TFDP1: variants seen among roughly 807,000 people sequenced by gnomAD.
The protein encoded by TFDP1 is DRTF1-polypeptide 1.
In TFDP1, 6 loss-of-function variants were observed where a neutral mutation model predicts 48.0. The ratio of observed to expected loss-of-function variants is 0.13; its 90% CI spans 0.07 to 0.25. The LOEUF is 0.25. Among genes scored for constraint, TFDP1 ranks in the 10% least tolerant of loss-of-function variants. The pLI is 1.00. For missense variants in TFDP1, 335 were observed against 543.0 expected (o/e 0.62, Z 3.81); for synonymous variants, 201 against 211.6 (o/e 0.95, Z 0.44).
chr13:113,622,008 G>C (rs1012388612), intron 3 of TFDP1, among the ~76,000 whole-genome samples: 62 of 152,226 alleles, frequency 4.1e-4, no homozygotes, highest in African/African-American at 1.4e-3. Context: ...CTGATATGCA[G>C]AAATAATGGC....
chr13:113,611,106 A>G (rs753358732), intron 3 of TFDP1, 44 bp downstream of exon 3: 1 of 1,525,428 alleles, frequency 6.6e-7, no homozygotes, highest in East Asian at 2.3e-5. Context: ...TGATGAATGC[A>G]TGAAGCTTCA....
rs1566671463 is a variant in TFDP1, at chr13:113,629,754, TCG to T, written c.187-1868_187-1867del. Among the ~76,000 whole-genome samples the T allele has an allele frequency of 2.9e-3, 418 of 145,978 alleles. 3 individuals carry two copies. Among genetic ancestry groups the T allele is most frequent in the African/African-American group, 0.011 (397 of 35,536 alleles). Reference sequence around the variant, plus strand: ...TATCGGGATGTTCCTTGTAAGTTCCTCGTTGTAAGTCAGTTCCTCGTTGTAAG... The same window carrying T: ...TATCGGGATGTTCCTTGTAAGTTCCTTTGTAAGTCAGTTCCTCGTTGTAAG... On this transcript the variant is annotated intron_variant, in intron 4 of 11. Coordinates refer to ENST00000375370, the MANE Select transcript of TFDP1 (RefSeq NM_007111.5).
In TFDP1 at chr13:113,637,304, G is replaced by A. The variant is rs577383430; in HGVS notation, c.1007-514G>A. Reference sequence around the variant, plus strand: ...TCTCTTGTTAGCCTAAACTTGGGGTGTAGATTTATTCCCTGAGAGGGTCAG... The same window carrying A: ...TCTCTTGTTAGCCTAAACTTGGGGTATAGATTTATTCCCTGAGAGGGTCAG... On this transcript the variant is annotated intron_variant, in intron 10 of 11. Coordinates refer to ENST00000375370, the MANE Select transcript of TFDP1 (RefSeq NM_007111.5). 3.5e-5 allele frequency: 10 copies of A among 286,428 alleles called. 1 individual carries two copies. The highest frequency in any genetic ancestry group is 2.3e-4 in the South Asian group (7 of 29,952). 17.7% of individuals were successfully genotyped at this position (286,428 alleles called of 1,614,324 possible).
At chr13:113,611,243 G>A (rs1483715172) in intron 3 of TFDP1, among the ~76,000 whole-genome samples, 181 bp downstream of exon 3, 1 of 152,226 alleles carries the variant, frequency 6.6e-6, no homozygotes, top group African/African-American at 2.4e-5. Context: ...AACACAGCCT[G>A]CACACACACC....
intron 3 of TFDP1, 110 bp downstream of exon 3, chr13:113,611,172 A>G (rs896473245): frequency 4.5e-6 from 5 of 1,111,306 alleles, no homozygotes; most frequent in East Asian, 2.4e-5. Flanking sequence ...CATCTCCTGC[A>G]TGGGCACCTT....
At chr13:113,635,845 G>A (rs1376663477) in intron 8 of TFDP1, 132 bp from the exon 9 acceptor site, 6 of 1,047,294 alleles carry the variant, frequency 5.7e-6, no homozygotes, top group South Asian at 3.2e-5. Flanking sequence ...AGCGGCCGGC[G>A]CTGGCATTTC....
rs181549760 is a variant in TFDP1, at chr13:113,621,768, G to A, written c.80-1412G>A. ...AGCCTCAGTGTCACGGAAAAACAGC[G>A]GCTACTTAGCAGACCGGGAAAGGGA... On this transcript the variant is annotated intron_variant, in intron 3 of 11. Transcript: ENST00000375370. Among the ~76,000 whole-genome samples the A allele has an allele frequency of 8.5e-5, 13 of 152,296 alleles. No homozygotes were observed. In the East Asian group the frequency reaches 1.4e-3, roughly 16 times the overall value.
At chr13:113,588,948 GAGTGAGTGATGGTAGTGTTGTGGGTGGAC>G (rs1293019623) in intron 2 of TFDP1, among the ~76,000 whole-genome samples, 5 of 151,736 alleles carry the variant, frequency 3.3e-5, no homozygotes, top group Admixed American at 3.3e-4. Flanking sequence ...TGTGGGTGGA[GAGTGAGTGATGGTAGTGTTGTGGGTGGAC>G]AGTGAGTGGT....
At chr13:113,599,730 C>A (rs1191074990) in intron 2 of TFDP1, among the ~76,000 whole-genome samples, 1 of 152,232 alleles carries the variant, frequency 6.6e-6, no homozygotes, top group Non-Finnish European at 1.5e-5. Context: ...TGGCTCTGCC[C>A]TGACCTCCCG....
intron 8 of TFDP1, among the ~76,000 whole-genome samples, chr13:113,635,764 T>C (rs2049469364): frequency 6.6e-6 from 1 of 152,132 alleles, no homozygotes. Context: ...TGCGCCCGCT[T>C]TCCCTTAGTT....
In TFDP1 at chr13:113,607,141, CCT is replaced by C. The variant is rs1314376125; in HGVS notation, c.13-3854_13-3853del. ...GAAGGCTGAAGATGCCGCCAAACACCCTGCAGGGAGGCTGGCCCCTGACAGAG... is the reference window on the plus strand; with the variant it reads ...GAAGGCTGAAGATGCCGCCAAACACCGCAGGGAGGCTGGCCCCTGACAGAG... On this transcript the variant is annotated intron_variant, in intron 2 of 11. Transcript: ENST00000375370. This position sits in a 1 kb window ranked among gnomAD's most constrained non-coding sequence, Gnocchi z 5.2. Among the ~76,000 whole-genome samples the C allele has an allele frequency of 6.6e-6, 1 of 152,236 alleles. No homozygotes were observed. The highest frequency in any genetic ancestry group is 2.4e-5 in the African/African-American group (1 of 41,474).
intron 2 of TFDP1, among the ~76,000 whole-genome samples, chr13:113,610,535 C>T (rs1347527711): frequency 6.8e-6 from 1 of 147,692 alleles, no homozygotes; most frequent in African/African-American, 2.5e-5. Context: ...ATCATACGTG[C>T]CCCTGCTTTG....
At chr13:113,603,370 C>G (rs757282025) in intron 2 of TFDP1, among the ~76,000 whole-genome samples, 4 of 152,204 alleles carry the variant, frequency 2.6e-5, no homozygotes, top group Non-Finnish European at 4.4e-5. Flanking sequence ...GTTGAGGGCC[C>G]GGGCAGCGCC....
chr13:113,621,611 T>G (rs1008485141), intron 3 of TFDP1, among the ~76,000 whole-genome samples: 1 of 151,956 alleles, frequency 6.6e-6, no homozygotes, highest in East Asian at 1.9e-4. Context: ...GGGGACATAG[T>G]GAGGAGTGAC....
chr13:113,630,686 C>T (rs1185149846), intron 4 of TFDP1, among the ~76,000 whole-genome samples: 12 of 152,296 alleles, frequency 7.9e-5, no homozygotes, highest in African/African-American at 2.2e-4. Context: ...TAGATAGAGT[C>T]GTGCCACAAG....
intron 2 of TFDP1, among the ~76,000 whole-genome samples, chr13:113,596,641 C>T (rs565743529): frequency 3.3e-5 from 5 of 152,316 alleles, no homozygotes; most frequent in Non-Finnish European, 5.9e-5. Context: ...GCGGTGGAGT[C>T]GGCTAGCCAC....
At chr13:113,634,122 C>T (rs780054614) in intron 7 of TFDP1, 89 bp downstream of exon 7, 37 of 1,569,936 alleles carry the variant, frequency 2.4e-5, no homozygotes, top group Non-Finnish European at 2.9e-5. Context: ...GTCTGGGCTC[C>T]GTGCCCTTAT....
intron 2 of TFDP1, among the ~76,000 whole-genome samples, chr13:113,609,222 C>G (rs2048646213): frequency 6.6e-6 from 1 of 152,222 alleles, no homozygotes; most frequent in African/African-American, 2.4e-5. Flanking sequence ...CTGTGGGCCC[C>G]TGGGGGTGGT....
intron 3 of TFDP1, among the ~76,000 whole-genome samples, chr13:113,617,227 G>A (rs1365752644): frequency 1.3e-5 from 2 of 152,200 alleles, no homozygotes; most frequent in Non-Finnish European, 2.9e-5. Context: ...AGCTGCCTCA[G>A]CCTGCATTCC....
Sources: gnomAD v4.1 joint callset for allele counts (sites outside exome capture counted in the v4.1 genomes callset) on GRCh38, gnomAD v4.1.1 for gene constraint, Gnocchi (gnomAD v3.1) non-coding constraint, MANE v1.5 for transcripts, NCBI Gene and HGNC (gene_info 2026-07-23, HGNC 2026-07-21) for gene names.